Variants in CNTNAP2 observed in about 807,000 individuals in gnomAD.
CNTNAP2 encodes contactin associated protein 2, also known as contactin-associated protein-like 2.
In CNTNAP2, 98 loss-of-function variants were observed where a neutral mutation model predicts 155.2. That is an observed-to-expected ratio of 0.63 (90% CI 0.54 to 0.75). The LOEUF (loss-of-function observed/expected upper bound fraction) is 0.75. CNTNAP2 is among the 30% of genes least tolerant of loss of function. The pLI, the probability that CNTNAP2 is intolerant of heterozygous loss-of-function variation, is 0.00. For missense variants in CNTNAP2, 1,727 were observed against 1,688.1 expected, an observed-to-expected ratio of 1.02 and a Z score of -0.40; for synonymous variants, 651 against 631.2, an observed-to-expected ratio of 1.03 and a Z score of -0.47.
Position 147,486,009 on chromosome 7 carries a change from A to G in CNTNAP2, c.1745A>G (p.Glu582Gly), listed in dbSNP as rs1554490561. ...GACAGCTTCAAATGCACTTGTGATGAGACAGGATACAGTGGGGCCACCTGC... is the reference window on the plus strand; with the variant it reads ...GACAGCTTCAAATGCACTTGTGATGGGACAGGATACAGTGGGGCCACCTGC... ...TWDSFKCTCD[E>G]TGYSGATCHN... Residue 582 changes from glutamate to glycine, a missense_variant, in exon 11 of 24, where the codon GAG (glutamate) becomes GGG (glycine). Glu to Gly is a moderately conservative substitution (Grantham distance 98). Coordinates refer to ENST00000361727, the MANE Select transcript of CNTNAP2 (RefSeq NM_014141.6). The G allele has an allele frequency of 5.6e-6, 9 of 1,614,154 alleles. No individual in the cohort carries two copies. The highest frequency in any genetic ancestry group is 7.6e-6 in the Non-Finnish European group (9 of 1,179,984).
chr7:148,246,080 C>T (rs1360133139), intron 20 of CNTNAP2, among the ~76,000 whole-genome samples: 2 of 152,186 alleles, frequency 1.3e-5, no homozygotes, highest in African/African-American at 4.8e-5. Context: ...TCTGAAGTCA[C>T]TCTCTATGTA....
intron 4 of CNTNAP2, among the ~76,000 whole-genome samples, chr7:147,061,608 T>G (rs1799676536): frequency 6.6e-6 from 1 of 152,196 alleles, no homozygotes. Context: ...GTTGTGATAC[T>G]TACAGTGGCC....
At chr7:147,002,562 A>C (rs1297548645) in intron 3 of CNTNAP2, among the ~76,000 whole-genome samples, 2 of 152,030 alleles carry the variant, frequency 1.3e-5, no homozygotes, top group Non-Finnish European at 2.9e-5. Flanking sequence ...CATGCCAAGC[A>C]AGCTACTAGA....
At chr7:146,674,968 T>TG (rs1256333561) in intron 1 of CNTNAP2, among the ~76,000 whole-genome samples, 1 of 152,242 alleles carries the variant, frequency 6.6e-6, no homozygotes, top group Non-Finnish European at 1.5e-5. Context: ...GTTCATCTTG[T>TG]GTTTGCTATT....
At chr7:147,151,918 G>A (rs943858514) in intron 8 of CNTNAP2, among the ~76,000 whole-genome samples, 41 of 151,986 alleles carry the variant, frequency 2.7e-4, no homozygotes, top group Non-Finnish European at 5.4e-4. Flanking sequence ...ACTGTCTTTG[G>A]GAAGCCTTCC....
chr7:147,879,693 T>C (rs1316930050), intron 13 of CNTNAP2, among the ~76,000 whole-genome samples: 1 of 152,182 alleles, frequency 6.6e-6, no homozygotes, highest in Non-Finnish European at 1.5e-5. Flanking sequence ...AAATTGTGTC[T>C]TTGAAACTAT....
intron 21 of CNTNAP2, among the ~76,000 whole-genome samples, chr7:148,295,808 C>T (rs1797272650): frequency 6.6e-6 from 1 of 151,356 alleles, no homozygotes; most frequent in South Asian, 2.1e-4. Context: ...ATTTTTAAAG[C>T]TTCCCAAAAG....
At chr7:147,787,242 C>T (rs910266634) in intron 13 of CNTNAP2, among the ~76,000 whole-genome samples, 2 of 152,164 alleles carry the variant, frequency 1.3e-5, no homozygotes, top group African/African-American at 4.8e-5. Flanking sequence ...GAATGCATCC[C>T]ACTCAGCTGG....
At chr7:146,668,485 TTTG>T (rs1396058601) in intron 1 of CNTNAP2, among the ~76,000 whole-genome samples, 2 of 151,266 alleles carry the variant, frequency 1.3e-5, no homozygotes, top group South Asian at 2.1e-4. Context: ...CTTATCTGGT[TTTG>T]TTATTAGATT....
chr7:146,592,998 C>T (rs1171468652), intron 1 of CNTNAP2, among the ~76,000 whole-genome samples: 2 of 151,886 alleles, frequency 1.3e-5, no homozygotes, highest in African/African-American at 4.8e-5. Context: ...CATACAGGGT[C>T]GTTCTCGGGG....
intron 3 of CNTNAP2, among the ~76,000 whole-genome samples, chr7:146,901,044 A>G (rs1795982517): frequency 6.6e-6 from 1 of 151,606 alleles, no homozygotes; most frequent in African/African-American, 2.4e-5. Context: ...TAATAATAAT[A>G]ATAATAATAA....
At chr7:147,633,107 T>G (rs1436128806) in intron 12 of CNTNAP2, among the ~76,000 whole-genome samples, 2 of 152,202 alleles carry the variant, frequency 1.3e-5, no homozygotes, top group East Asian at 3.9e-4. Flanking sequence ...GAAAAATCTT[T>G]TGTGTGTTAG....
intron 21 of CNTNAP2, among the ~76,000 whole-genome samples, chr7:148,301,958 G>A (rs1797399555): frequency 6.6e-6 from 1 of 152,236 alleles, no homozygotes; most frequent in African/African-American, 2.4e-5. Flanking sequence ...CTCAGTTCCT[G>A]CTGTATGACA....
rs1375934346 is a variant in CNTNAP2 at position 148,331,209 on chromosome 7, GATGGA to G, written c.3476-52434_3476-52430del. On this transcript the variant is annotated intron_variant, in intron 21 of 23. Coordinates refer to ENST00000361727, the MANE Select transcript of CNTNAP2 (RefSeq NM_014141.6). ...AATGGATGGACGGATGGAGTGGATG[GATGGA>G]ATGGATGGATGGAGTGGATGGATGG... Among the ~76,000 whole-genome samples, 3 of 149,868 alleles carry G rather than the reference GATGGA, an allele frequency of 2.0e-5. No individual in the cohort carries two copies. In the East Asian group the frequency reaches 6.0e-4, roughly 30 times the overall value.
intron 21 of CNTNAP2, among the ~76,000 whole-genome samples, chr7:148,362,676 T>G (rs1798647793): frequency 6.6e-6 from 1 of 152,224 alleles, no homozygotes; most frequent in African/African-American, 2.4e-5. Context: ...AGTGTGGCTC[T>G]CTTAACAGGG....
intron 1 of CNTNAP2, among the ~76,000 whole-genome samples, chr7:146,310,804 T>C (rs1302826406): frequency 6.6e-6 from 1 of 152,148 alleles, no homozygotes; most frequent in Non-Finnish European, 1.5e-5. Flanking sequence ...CATCCATCCA[T>C]TATGTACTGT....
At chr7:147,222,795 A>T (rs1315491349) in intron 8 of CNTNAP2, among the ~76,000 whole-genome samples, 1 of 146,542 alleles carries the variant, frequency 6.8e-6, no homozygotes, top group Non-Finnish European at 1.5e-5. Flanking sequence ...TGTGAACATC[A>T]CAAGTGTTTC....
chr7:148,032,240 G>C (rs1402963721), intron 15 of CNTNAP2, among the ~76,000 whole-genome samples: 1 of 152,192 alleles, frequency 6.6e-6, no homozygotes, highest in African/African-American at 2.4e-5. Flanking sequence ...GTCCATCTAT[G>C]TCTCACTGAA....
chr7:147,916,376 G>A (rs887393695), intron 14 of CNTNAP2, among the ~76,000 whole-genome samples: 1 of 152,180 alleles, frequency 6.6e-6, no homozygotes, highest in African/African-American at 2.4e-5. Context: ...GATGTCAGCA[G>A]AGTGTCAATA....
Sources: allele counts gnomAD v4.1 joint callset (sites outside exome capture counted in the v4.1 genomes callset), GRCh38; gene constraint gnomAD v4.1.1; transcripts MANE v1.5; gene names NCBI Gene and HGNC (gene_info 2026-07-23, HGNC 2026-07-21).